Variants in GALNT13 observed in about 807,000 individuals in gnomAD.
The protein encoded by GALNT13 is polypeptide N-acetylgalactosaminyltransferase 13, also known as UDP-GalNAc:polypeptide N-acetylgalactosaminyltransferase 13.
GALNT13 carries 28 observed loss-of-function variants against 64.2 expected under a neutral mutation model. That is an observed-to-expected ratio of 0.44 (90% CI 0.32 to 0.60). The LOEUF (loss-of-function observed/expected upper bound fraction) is 0.60. Ranked by LOEUF, GALNT13 falls within the 20% of genes least tolerant of loss-of-function variation. GALNT13 has a pLI of 0.05. For synonymous variants in GALNT13, 214 were observed against 224.6 expected (o/e 0.95, Z 0.42); for missense variants, 577 against 669.8 (o/e 0.86, Z 1.53).
At chr2:153,184,864 C>T in the GALNT13 span, among the ~76,000 whole-genome samples, 1 of 152,092 alleles carries the variant, frequency 6.6e-6, no homozygotes, top group Admixed American at 6.6e-5. Context: ...ATTTGGTTTG[C>T]CAATATTTTA....
chr2:154,337,747 T>C (rs1695536510), intron 9 of GALNT13, among the ~76,000 whole-genome samples: 1 of 152,120 alleles, frequency 6.6e-6, no homozygotes, highest in African/African-American at 2.4e-5. Flanking sequence ...AATCTAAATT[T>C]AACATTCTTT....
the GALNT13 span, among the ~76,000 whole-genome samples, chr2:153,693,840 C>T: frequency 1.9e-4 from 29 of 151,980 alleles, no homozygotes; most frequent in Admixed American, 4.6e-4. Flanking sequence ...ATCGGCTGGG[C>T]GCGGTGGCTC....
At chr2:153,518,277 C>T in the GALNT13 span, among the ~76,000 whole-genome samples, 1 of 152,122 alleles carries the variant, frequency 6.6e-6, no homozygotes, top group Non-Finnish European at 1.5e-5. Flanking sequence ...ATGAAAGTCA[C>T]ACACAATCTG....
At chr2:153,478,449 G>A in the GALNT13 span, 1 of 1,613,850 alleles carries the variant, frequency 6.2e-7, no homozygotes, top group Non-Finnish European at 8.5e-7. Flanking sequence ...CCGCGAAGCC[G>A]TCGTCGGTCA....
chr2:153,921,007 C>T (rs576462905), intron 2 of GALNT13, among the ~76,000 whole-genome samples: 61 of 152,232 alleles, frequency 4.0e-4, no homozygotes, highest in African/African-American at 1.4e-3. Flanking sequence ...GAAAAGGGAA[C>T]GCTTATACAT....
the GALNT13 span, among the ~76,000 whole-genome samples, chr2:153,499,677 G>A: frequency 6.6e-6 from 1 of 152,232 alleles, no homozygotes; most frequent in Non-Finnish European, 1.5e-5. Context: ...GGGGCTGAGG[G>A]GGCAGGGGGC....
chr2:153,537,740 A>G, the GALNT13 span, among the ~76,000 whole-genome samples: 1 of 152,052 alleles, frequency 6.6e-6, no homozygotes, highest in Non-Finnish European at 1.5e-5. Flanking sequence ...ATGGTTTTAT[A>G]AGGCGATTTT....
At chr2:153,639,838 G>T in the GALNT13 span, among the ~76,000 whole-genome samples, 1 of 152,160 alleles carries the variant, frequency 6.6e-6, no homozygotes, top group Non-Finnish European at 1.5e-5. Flanking sequence ...TCAGGAGCTG[G>T]ACAGGTTTTG....
At chr2:154,074,872 C>T (rs539409390) in intron 3 of GALNT13, among the ~76,000 whole-genome samples, 58 of 151,976 alleles carry the variant, frequency 3.8e-4, no homozygotes, top group African/African-American at 1.3e-3. Flanking sequence ...TAAAAATCCT[C>T]AACATACTAG....
At chr2:153,912,998 C>T (rs1199374535) in intron 2 of GALNT13, among the ~76,000 whole-genome samples, 7 of 152,064 alleles carry the variant, frequency 4.6e-5, no homozygotes, top group Non-Finnish European at 7.4e-5. Context: ...GTGGTGATGG[C>T]AGTATTACTC....
chr2:153,294,638 G>GA, the GALNT13 span, among the ~76,000 whole-genome samples: 1 of 152,150 alleles, frequency 6.6e-6, no homozygotes, highest in South Asian at 2.1e-4. Flanking sequence ...GCTGGGGCTG[G>GA]AAGAGAATGC....
At chr2:153,669,651 A>T in the GALNT13 span, among the ~76,000 whole-genome samples, 1 of 152,134 alleles carries the variant, frequency 6.6e-6, no homozygotes, top group African/African-American at 2.4e-5. Flanking sequence ...CAACTGTGGT[A>T]TCTTGTTCAT....
chr2:154,330,273 C>G (rs1289404897), intron 9 of GALNT13, among the ~76,000 whole-genome samples: 4 of 152,096 alleles, frequency 2.6e-5, no homozygotes, highest in Non-Finnish European at 5.9e-5. Flanking sequence ...GCTAAAGCCT[C>G]TATTCCTGAT....
At chr2:153,618,375 A>G in the GALNT13 span, among the ~76,000 whole-genome samples, 1 of 151,706 alleles carries the variant, frequency 6.6e-6, no homozygotes, top group Admixed American at 6.6e-5. Context: ...TTCCATTGTG[A>G]TCATAGAAGA....
At chr2:153,137,003 T>A in the GALNT13 span, among the ~76,000 whole-genome samples, 3 of 151,948 alleles carry the variant, frequency 2.0e-5, no homozygotes, top group East Asian at 5.8e-4. Context: ...TCACTGCTAA[T>A]GTGTTAGGAG....
At chr2:153,337,601 A>G in the GALNT13 span, 1 of 152,246 alleles carries the variant, frequency 6.6e-6, no homozygotes. Flanking sequence ...AGTAAACTAT[A>G]AAAGTATTTA....
At chr2:153,301,323 A>AAAAAAAAAAAAAAAAAGAAG in the GALNT13 span, among the ~76,000 whole-genome samples, 1 of 149,856 alleles carries the variant, frequency 6.7e-6, no homozygotes, top group African/African-American at 2.5e-5. Context: ...AAAAAAGAAA[A>AAAAAAAAAAAAAAAAAGAAG]AAAAAAAGAG....
intron 4 of GALNT13, among the ~76,000 whole-genome samples, chr2:154,227,924 T>G (rs1011806847): frequency 6.6e-6 from 1 of 152,142 alleles, no homozygotes; most frequent in African/African-American, 2.4e-5. Flanking sequence ...ATTCTATTTA[T>G]TGAATTCTGT....
intron 2 of GALNT13, among the ~76,000 whole-genome samples, chr2:153,925,636 A>G (rs1690078960): frequency 6.6e-6 from 1 of 151,804 alleles, no homozygotes; most frequent in African/African-American, 2.4e-5. Flanking sequence ...GAATCTGTAA[A>G]TTGCTTTAGG....
Sources: gnomAD v4.1 joint callset for allele counts (sites outside exome capture counted in the v4.1 genomes callset) on GRCh38, gnomAD v4.1.1 for gene constraint, MANE v1.5 for transcripts, NCBI Gene and HGNC (gene_info 2026-07-23, HGNC 2026-07-21) for gene names.